FOXP2: variants seen among roughly 807,000 people sequenced by gnomAD.
FOXP2 encodes the protein forkhead box protein P2.
Under a neutral mutation model 115.8 loss-of-function variants are expected in FOXP2, and 12 were observed. The observed-to-expected ratio is 0.10, with a 90% CI of 0.07 to 0.17. The LOEUF (loss-of-function observed/expected upper bound fraction) is 0.17, where lower values mean the gene tolerates loss of function less well. FOXP2 is among the 10% of genes least tolerant of loss of function. FOXP2 has a pLI of 1.00. For missense variants in FOXP2, 629 were observed against 843.5 expected (o/e 0.75, Z 3.15); for synonymous variants, 328 against 297.7 (o/e 1.10, Z -1.05).
At chr7:114,451,440 T>A (rs974523510) in intron 2 of FOXP2, among the ~76,000 whole-genome samples, 12 of 152,054 alleles carry the variant, frequency 7.9e-5, no homozygotes, top group Non-Finnish European at 1.8e-4. Context: ...GTCTACTCCA[T>A]GTGGATGGGG....
At chr7:114,372,791 T>C (rs1006114446) in intron 2 of FOXP2, among the ~76,000 whole-genome samples, 8 of 152,126 alleles carry the variant, frequency 5.3e-5, no homozygotes, top group Admixed American at 2.0e-4. Context: ...TCTCGACAAG[T>C]AAATAATTGC....
intron 2 of FOXP2, among the ~76,000 whole-genome samples, chr7:114,375,305 C>A (rs1413424954): frequency 6.6e-6 from 1 of 152,092 alleles, no homozygotes; most frequent in Non-Finnish European, 1.5e-5. Flanking sequence ...CCTTCCTCCT[C>A]GAGAGTATAA....
intron 1 of FOXP2, among the ~76,000 whole-genome samples, chr7:114,271,483 T>G (rs1377913932): frequency 7.4e-6 from 1 of 134,590 alleles, no homozygotes; most frequent in African/African-American, 2.8e-5. Flanking sequence ...GATTTATATA[T>G]ATATATTTAT....
chr7:114,364,484 G>A (rs1489159872), intron 2 of FOXP2, among the ~76,000 whole-genome samples: 1 of 152,106 alleles, frequency 6.6e-6, no homozygotes, highest in Non-Finnish European at 1.5e-5. Flanking sequence ...CTTCCTAATG[G>A]ACAACACATG....
chr7:114,251,117 T>C (rs1399192175), intron 1 of FOXP2, among the ~76,000 whole-genome samples: 1 of 152,130 alleles, frequency 6.6e-6, no homozygotes, highest in Non-Finnish European at 1.5e-5. Context: ...AGATGTGTGG[T>C]ATTATTTCTG....
Position 114,238,570 on chromosome 7 carries a change from C to T in FOXP2, c.-101-49449C>T, listed in dbSNP as rs567396434. Among the ~76,000 whole-genome samples, 45 of 152,126 alleles carry T rather than the reference C, an allele frequency of 3.0e-4. 2 individuals are homozygous for T. In the South Asian group the frequency reaches 8.7e-3, roughly 29 times the overall value. ...GGCAGATCATCTGAGATTGGGAATT[C>T]GAGACCAGCCTCGTCAACATGGCGA... On this transcript the variant is annotated intron_variant, in intron 1 of 17. Coordinates refer to the FOXP2 transcript ENST00000634411.
chr7:114,601,023 G>C (rs1366201741), intron 3 of FOXP2, among the ~76,000 whole-genome samples: 2 of 151,384 alleles, frequency 1.3e-5, no homozygotes, highest in Non-Finnish European at 2.9e-5. Flanking sequence ...GAGTGCAGTG[G>C]CATGATCTCA....
chr7:114,369,180 A>C (rs1006493849), intron 2 of FOXP2, among the ~76,000 whole-genome samples: 6 of 152,228 alleles, frequency 3.9e-5, no homozygotes, highest in African/African-American at 1.4e-4. Flanking sequence ...TAAGCAGGAA[A>C]CTGCAAAGCT....
chr7:114,212,035 C>T (rs1794366724), intron 1 of FOXP2, among the ~76,000 whole-genome samples: 1 of 151,074 alleles, frequency 6.6e-6, no homozygotes, highest in Non-Finnish European at 1.5e-5. Flanking sequence ...ATCGTGTCAT[C>T]TCCAGCCTGG....
chr7:114,182,572 A>T (rs2129155340), intron 1 of FOXP2, among the ~76,000 whole-genome samples: 1 of 150,888 alleles, frequency 6.6e-6, no homozygotes, highest in East Asian at 1.9e-4. Flanking sequence ...CACTAATGAG[A>T]TTTTTTGGTA....
At chr7:114,385,417 T>A (rs1792421606) in intron 2 of FOXP2, among the ~76,000 whole-genome samples, 1 of 152,138 alleles carries the variant, frequency 6.6e-6, no homozygotes, top group Admixed American at 6.5e-5. Context: ...GGCGCACACA[T>A]GGGCAACTGC....
At chr7:114,412,500 ATTGT>A (rs1793188931), upstream of FOXP2, among the ~76,000 whole-genome samples, 1 of 151,990 alleles carries the variant, frequency 6.6e-6, no homozygotes, top group African/African-American at 2.4e-5. Flanking sequence ...TGTGTGTGAG[ATTGT>A]TTGTGTTTAT....
intron 2 of FOXP2, among the ~76,000 whole-genome samples, chr7:114,332,742 G>A (rs1040186171): frequency 3.9e-5 from 6 of 152,092 alleles, no homozygotes; most frequent in Non-Finnish European, 8.8e-5. Context: ...TTGTTCTGTC[G>A]ATGCTGTCTT....
intron 2 of FOXP2, among the ~76,000 whole-genome samples, chr7:114,513,242 G>T (rs1196989427): frequency 6.6e-6 from 1 of 152,054 alleles, no homozygotes; most frequent in Non-Finnish European, 1.5e-5. Context: ...TGTAGTTTCA[G>T]TAATTAATAC....
intron 2 of FOXP2, among the ~76,000 whole-genome samples, chr7:114,372,984 C>T (rs1165231462): frequency 6.6e-6 from 1 of 151,856 alleles, no homozygotes; most frequent in African/African-American, 2.4e-5. Flanking sequence ...GGCACGAAAT[C>T]ATAGAATAAA....
chr7:114,490,510 CT>C (rs970258754), intron 2 of FOXP2, among the ~76,000 whole-genome samples: 113 of 148,312 alleles, frequency 7.6e-4, no homozygotes, highest in Middle Eastern at 3.5e-3. Context: ...TGTCATTACA[CT>C]TTTTTTTTTA....
chr7:114,519,787 A>G (rs185562561), intron 2 of FOXP2, among the ~76,000 whole-genome samples: 1 of 152,226 alleles, frequency 6.6e-6, no homozygotes, highest in Admixed American at 6.5e-5. Flanking sequence ...GGGTCATTTC[A>G]AGCAGTGGCC....
intron 1 of FOXP2, among the ~76,000 whole-genome samples, chr7:114,239,235 C>A (rs1795092448): frequency 6.6e-6 from 1 of 151,770 alleles, no homozygotes. Flanking sequence ...AATTCCTTCT[C>A]TCTTTTTTTG....
At chr7:114,165,805 C>T (rs1435912555) in intron 1 of FOXP2, among the ~76,000 whole-genome samples, 1 of 152,082 alleles carries the variant, frequency 6.6e-6, no homozygotes, top group Non-Finnish European at 1.5e-5. Context: ...CCCACATTAG[C>T]CAACATAATA....
Sources: allele counts gnomAD v4.1 joint callset (sites outside exome capture counted in the v4.1 genomes callset), GRCh38; gene constraint gnomAD v4.1.1; transcripts MANE v1.5; gene names NCBI Gene and HGNC (gene_info 2026-07-23, HGNC 2026-07-21).